The following PTAFR variants were observed in gnomAD, a reference collection of about 807,000 sequenced individuals.
The protein encoded by PTAFR is platelet-activating factor receptor.
In PTAFR, 8 loss-of-function variants were observed where a neutral mutation model predicts 14.7. The observed-to-expected ratio is 0.54, with a 90% confidence interval of 0.32 to 0.98. The LOEUF is 0.98. PTAFR is among the 50% of genes least tolerant of loss of function. PTAFR has a pLI of 0.04. For synonymous variants in PTAFR, 156 were observed against 176.5 expected, an observed-to-expected ratio of 0.88 and a Z score of 0.92; for missense variants, 337 against 451.2, an observed-to-expected ratio of 0.75 and a Z score of 2.29.
At chr1:28,190,666 G>A (rs1392799979) in intron 1 of PTAFR, among the ~76,000 whole-genome samples, 4 of 152,126 alleles carry the variant, frequency 2.6e-5, no homozygotes, top group African/African-American at 9.7e-5. Context: ...TAACAGAATA[G>A]AGAAAGAGTC....
intron 1 of PTAFR, among the ~76,000 whole-genome samples, chr1:28,155,918 A>G (rs562495521): frequency 1.3e-5 from 2 of 152,214 alleles, no homozygotes; most frequent in African/African-American, 4.8e-5. Context: ...GTTCTACATC[A>G]CAACGAACCT....
chr1:28,162,910 A>C (rs998993089), intron 1 of PTAFR, among the ~76,000 whole-genome samples: 1 of 151,598 alleles, frequency 6.6e-6, no homozygotes, highest in African/African-American at 2.4e-5. Flanking sequence ...AATCTGAGAC[A>C]TGTTGTACCC....
chr1:28,149,911 A>C lies in PTAFR; in HGVS notation c.*82T>G. The C allele has an allele frequency of 6.6e-7, 1 of 1,508,100 alleles. No individual in the cohort carries two copies. The allele number at this position is 1,508,100 out of a possible 1,614,324, so 93.4% of individuals were successfully genotyped here. On this transcript the variant is annotated 3_prime_UTR_variant, in exon 2 of 2. Transcript: ENST00000373857. ...ACCAGTGCCCACAGAGGTGGTGCCC[A>C]GACCACAGTAGATATCCCTTCTTCC...
At chr1:28,169,371 A>G (rs1646427907) in intron 1 of PTAFR, among the ~76,000 whole-genome samples, 1 of 152,192 alleles carries the variant, frequency 6.6e-6, no homozygotes, top group South Asian at 2.1e-4. Flanking sequence ...AGTTAGAGTC[A>G]TATGACTCAG....
chr1:28,169,213 T>G (rs1043248850), intron 1 of PTAFR, among the ~76,000 whole-genome samples: 1 of 150,386 alleles, frequency 6.6e-6, no homozygotes, highest in Non-Finnish European at 1.5e-5. Context: ...CTGGACAACA[T>G]AGCAACACCC....
intron 1 of PTAFR, among the ~76,000 whole-genome samples, chr1:28,174,691 T>A (rs193272364): frequency 1.3e-5 from 2 of 152,240 alleles, no homozygotes; most frequent in East Asian, 3.8e-4. Context: ...ATCTGTCCTG[T>A]GCATATTCTA....
intron 1 of PTAFR, among the ~76,000 whole-genome samples, chr1:28,167,645 T>TA (rs1646401081): frequency 2.2e-5 from 3 of 134,506 alleles, no homozygotes; most frequent in African/African-American, 8.7e-5. Flanking sequence ...TTTTTTTTTT[T>TA]TTTTTTTTTT....
At chr1:28,188,677 G>A (rs940185833) in intron 1 of PTAFR, among the ~76,000 whole-genome samples, 1 of 151,438 alleles carries the variant, frequency 6.6e-6, no homozygotes, top group African/African-American at 2.4e-5. Flanking sequence ...GGAGGAACCC[G>A]GGAGATCGCA....
intron 1 of PTAFR, among the ~76,000 whole-genome samples, chr1:28,184,749 C>T (rs1217934486): frequency 6.6e-6 from 1 of 152,186 alleles, no homozygotes; most frequent in African/African-American, 2.4e-5. Flanking sequence ...CAGCGATTCT[C>T]CTTCCTCAGC....
intron 1 of PTAFR, among the ~76,000 whole-genome samples, chr1:28,187,043 G>A (rs1054865309): frequency 3.3e-5 from 5 of 152,072 alleles, no homozygotes; most frequent in Non-Finnish European, 7.4e-5. Context: ...TGCCCGCCTC[G>A]GCCTCCCAAA....
Position 28,150,909 on chromosome 1 carries a change from C to A in PTAFR, c.113G>T (p.Trp38Leu). ...GCAAGGGTACAGGCGGGCAAAGACC[C>A]ACAGCACGTAGCCATTAGCAATGAC... ...LGVIANGYVL[W>L]VFARLYPCKK... The change falls in exon 2 of 2, where the codon TGG becomes TTG. Residue 38 changes from tryptophan (W) to leucine (L), a missense_variant. Transcript: ENST00000373857. This position sits in a 1 kb window ranked among gnomAD's most constrained non-coding sequence, Gnocchi z 6.3. 1 of 1,613,992 alleles carries A rather than the reference C, an allele frequency of 6.2e-7. No homozygotes were observed. Among genetic ancestry groups the A allele is most frequent in the South Asian group, 1.1e-5 (1 of 91,072 alleles).
chr1:28,154,071 C>T (rs181333382), intron 1 of PTAFR, among the ~76,000 whole-genome samples: 1 of 114,152 alleles, frequency 8.8e-6, no homozygotes, highest in Non-Finnish European at 1.7e-5. Context: ...TGGGATGAGA[C>T]CTTGTCTCAG....
At chr1:28,180,204 G>C (rs1222054246), upstream of PTAFR, among the ~76,000 whole-genome samples, 1 of 152,068 alleles carries the variant, frequency 6.6e-6, no homozygotes, top group East Asian at 1.9e-4. Context: ...ACAGGGAGGA[G>C]ATTGTTCCAG....
intron 1 of PTAFR, among the ~76,000 whole-genome samples, chr1:28,166,213 T>C (rs1182104532): frequency 3.3e-5 from 5 of 152,156 alleles, no homozygotes; most frequent in Admixed American, 6.5e-5. Flanking sequence ...GGGGAAAGAA[T>C]AGTCCCTTCA....
At chr1:28,179,292 C>T (rs950628941), upstream of PTAFR, among the ~76,000 whole-genome samples, 5 of 152,212 alleles carry the variant, frequency 3.3e-5, no homozygotes, top group Admixed American at 6.5e-5. Flanking sequence ...GTCTCCAGGA[C>T]GCCTGGCTCA....
At chr1:28,169,999 C>CAAA (rs55770214) in intron 1 of PTAFR, among the ~76,000 whole-genome samples, 1 of 122,994 alleles carries the variant, frequency 8.1e-6, no homozygotes, top group Non-Finnish European at 1.8e-5. Flanking sequence ...GACTCCATCT[C>CAAA]AAAAAAAAAA....
chr1:28,165,832 A>G (rs1215070936), intron 1 of PTAFR, among the ~76,000 whole-genome samples: 1 of 152,158 alleles, frequency 6.6e-6, no homozygotes, highest in African/African-American at 2.4e-5. Flanking sequence ...AAATAAATGG[A>G]AAGACATCCC....
intron 1 of PTAFR, among the ~76,000 whole-genome samples, chr1:28,156,739 C>A (rs1646267630): frequency 6.6e-6 from 1 of 152,198 alleles, no homozygotes; most frequent in African/African-American, 2.4e-5. Flanking sequence ...TCTCAGCACC[C>A]CTGCCCTTCC....
At chr1:28,165,265 C>T (rs927798711) in intron 1 of PTAFR, among the ~76,000 whole-genome samples, 24 of 151,240 alleles carry the variant, frequency 1.6e-4, no homozygotes, top group Non-Finnish European at 2.8e-4. Context: ...ATTAGCTGGG[C>T]GTGGTGGCGC....
Sources: allele counts gnomAD v4.1 joint callset (sites outside exome capture counted in the v4.1 genomes callset), GRCh38; gene constraint gnomAD v4.1.1; non-coding constraint Gnocchi (gnomAD v3.1); transcripts MANE v1.5; gene names NCBI Gene and HGNC (gene_info 2026-07-23, HGNC 2026-07-21).